The following ATP13A1 variants were observed in gnomAD, a reference collection of about 807,000 sequenced individuals.
ATP13A1 encodes ATPase 13A1.
In ATP13A1, 55 loss-of-function variants were observed where a neutral mutation model predicts 134.8. The observed-to-expected ratio is 0.41, with a 90% CI of 0.33 to 0.51. The LOEUF is 0.51. Ranked by LOEUF, ATP13A1 falls within the 20% of genes least tolerant of loss-of-function variation. ATP13A1 has a pLI of 0.29. For missense variants in ATP13A1, 1,389 were observed against 1,652.8 expected, an observed-to-expected ratio of 0.84 and a Z score of 2.77; for synonymous variants, 775 against 725.1, an observed-to-expected ratio of 1.07 and a Z score of -1.10.
intron 22 of ATP13A1, chr19:19,646,597 A>G (rs77231495): frequency 1.8e-6 from 1 of 550,664 alleles, no homozygotes; most frequent in East Asian, 3.1e-5. Context: ...GGGCCTGAGA[A>G]TCATGAAGCA....
At position 19,656,856 on chromosome 19, in the gene ATP13A1, C is replaced by T. The variant is rs376439076; in HGVS notation, c.967G>A (p.Val323Ile). The T allele has an allele frequency of 5.0e-6, 8 of 1,612,472 alleles. No homozygotes were observed. The highest frequency in any genetic ancestry group is 2.2e-5 in the South Asian group (2 of 90,890). Reference protein sequence around the residue: ...ASDEIVPGDIVSIGRSPQENL... With the variant: ...ASDEIVPGDIISIGRSPQENL... ...CGGAACCCGGCCTCACCGATGGAGA[C>T]GATGTCCCCTGGTACGATCTCATCA... The change falls in exon 6 of 26, where the codon GTC (valine) becomes ATC (isoleucine). Residue 323 changes from valine to isoleucine, a missense_variant. Around this residue, in one of 4 missense-constraint regions of ATP13A1, gnomAD observed 747 missense variants for 956.1 expected, o/e 0.78. Coordinates refer to ENST00000357324, the MANE Select transcript of ATP13A1 (RefSeq NM_020410.3). This position sits in a 1 kb window ranked among gnomAD's most constrained non-coding sequence, Gnocchi z 4.6.
chr19:19,646,896 C>A lies in ATP13A1; in HGVS notation c.3105+233G>T. ...TGCTTGTGGGGCTCTGTGGGGCCCA[C>A]CCCTGGGACCCCTACCTGTGGACAG... is the stretch of plus-strand genomic sequence containing the variant. On this transcript the variant is annotated intron_variant, in intron 22 of 25. Coordinates refer to ENST00000357324, the MANE Select transcript of ATP13A1 (RefSeq NM_020410.3). The A allele has an allele frequency of 8.9e-6, 5 of 562,886 alleles. No individual in the cohort carries two copies. The South Asian group carries it at 1.2e-4, about 13-fold the overall frequency. The allele number at this position is 562,886 out of a possible 1,614,324, so 34.9% of individuals were successfully genotyped here. A position where few individuals can be genotyped will look rare whatever the true frequency, so the allele number is the denominator to read the frequency against.
chr19:19,654,912 T>C (rs185203544), intron 12 of ATP13A1, among the ~76,000 whole-genome samples: 6 of 152,156 alleles, frequency 3.9e-5, no homozygotes. Flanking sequence ...GCATGGCTGG[T>C]GTGGGATGTT....
rs1190737446 is a variant in ATP13A1 at position 19,649,661 on chromosome 19, C to T, written c.2538G>A (p.Glu846=). 3 of 1,613,960 alleles carry T rather than the reference C, an allele frequency of 1.9e-6. No individual in the cohort carries two copies. Among genetic ancestry groups the T allele is most frequent in the African/African-American group, 2.7e-5 (2 of 75,062 alleles). Residue 846 remains glutamate (E), a splice_region_variant and synonymous_variant, in exon 19 of 26, where the codon GAG becomes GAA. Coordinates refer to ENST00000357324, the MANE Select transcript of ATP13A1 (RefSeq NM_020410.3). The part of the protein sequence containing the change: ...VFARVAPKQK[E]FVITSLKELG... ...GCTCCTTCAGGCTGGTGATGACAAA[C>T]TCCTGTATGGGCGGAGACAGGCTGA...
chr19:19,660,030 C>T, intron 1 of ATP13A1, 43 bp from the exon 2 acceptor site: 1 of 1,523,760 alleles, frequency 6.6e-7, no homozygotes, highest in Middle Eastern at 2.2e-4. Flanking sequence ...CTCTTCTCAA[C>T]CTACAGTTCC....
Position 19,657,076 on chromosome 19 carries a change from G to A in ATP13A1, c.824C>T (p.Ala275Val), listed in dbSNP as rs776378379. The A allele has an allele frequency of 1.5e-5, 24 of 1,548,404 alleles. No individual in the cohort carries two copies. The highest frequency in any genetic ancestry group is 1.9e-5 in the Non-Finnish European group (22 of 1,147,064). Residue 275 changes from alanine (A) to valine (V), a missense_variant, in exon 5 of 26, where the codon GCG (alanine) becomes GTG (valine). Coordinates refer to ENST00000357324, the MANE Select transcript of ATP13A1 (RefSeq NM_020410.3). ...YSVFTLSMLV[A>V]FEASLVQQQM... Reference sequence around the variant, plus strand: ...CTGCTGCACCAGCGAGGCCTCGAACGCCACCAGCATGGATAGCGTAAAGAC... The same window carrying A: ...CTGCTGCACCAGCGAGGCCTCGAACACCACCAGCATGGATAGCGTAAAGAC...
rs1372955219 is a variant in ATP13A1, at chr19:19,645,481, G to A, written c.3556C>T (p.Leu1186=). The change falls in exon 26 of 26, where the codon CTG becomes TTG. Residue 1186 remains leucine (L), a synonymous_variant. Transcript: ENST00000357324. The surrounding 1 kb of genome is among the most constrained non-coding windows in gnomAD (Gnocchi z 4.1). ...AAGAACTGCAGGACGCGGTCGGCCA[G>A]GAGCGCCAGGCAGAAGTCCAGGAGC... ...VLLLDFCLAL[L]ADRVLQFFLG... is the part of the protein sequence containing the mutation. 3 of 1,608,654 alleles carry A rather than the reference G, an allele frequency of 1.9e-6. No homozygotes were observed. The African/African-American group carries it at 4.0e-5, about 21-fold the overall frequency.
At position 19,653,368 on chromosome 19, in the gene ATP13A1, A is replaced by C; in HGVS notation, c.2100+416T>G. 2 of 231,222 alleles carry C rather than the reference A, an allele frequency of 8.6e-6. No homozygotes were observed. The highest frequency in any genetic ancestry group is 1.7e-5 in the Non-Finnish European group (2 of 116,060). 14.3% of individuals were successfully genotyped at this position (231,222 alleles called of 1,614,324 possible). ...CTGCAACCTGAGGCTAAATTCTGGA[A>C]GGATCCGCAGCTGTAGGGTGCAAGC... is the stretch of plus-strand genomic sequence containing the variant. On this transcript the variant is annotated intron_variant, in intron 15 of 25. Transcript: ENST00000357324. This position sits in a 1 kb window ranked among gnomAD's most constrained non-coding sequence, Gnocchi z 4.2.
chr19:19,652,532 G>A (rs1201608342), intron 16 of ATP13A1, 63 bp downstream of exon 16: 5 of 1,549,070 alleles, frequency 3.2e-6, no homozygotes, highest in Non-Finnish European at 4.4e-6. Flanking sequence ...CCACGAAGCT[G>A]TAATTGTCAT....
Position 19,656,335 on chromosome 19 carries a change from C to A in ATP13A1, c.1084-152G>T, listed in dbSNP as rs1305442905. ...CACCCAGCTCCCAGATCCTCACCCT[C>A]ACCCCGTCCTGTCTTCTCCCCATTG... On this transcript the variant is annotated intron_variant, in intron 7 of 25. Transcript: ENST00000357324. This position sits in a 1 kb window ranked among gnomAD's most constrained non-coding sequence, Gnocchi z 4.6. Among the ~76,000 whole-genome samples the A allele has an allele frequency of 3.9e-5, 6 of 152,164 alleles. No individual in the cohort carries two copies. Among genetic ancestry groups the A allele is most frequent in the African/African-American group, 1.4e-4 (6 of 41,442 alleles).
intron 16 of ATP13A1, among the ~76,000 whole-genome samples, chr19:19,652,278 GC>G (rs1424149587): frequency 6.6e-6 from 1 of 152,040 alleles, no homozygotes; most frequent in Admixed American, 6.6e-5. Context: ...GGCAGACAGT[GC>G]CCCCCACCCA....
chr19:19,651,423 G>T, intron 17 of ATP13A1: 1 of 366,784 alleles, frequency 2.7e-6, no homozygotes, highest in Non-Finnish European at 5.0e-6. Context: ...CTGCCCATGA[G>T]TGCACAGGAA....
Position 19,662,554 on chromosome 19 carries a change from TCA to T in ATP13A1, c.396+715_396+716del, listed in dbSNP as rs766257870. Among the ~76,000 whole-genome samples, 3 of 152,204 alleles carry T rather than the reference TCA, an allele frequency of 2.0e-5. No homozygotes were observed. In the South Asian group the frequency reaches 6.2e-4, roughly 32 times the overall value. On this transcript the variant is annotated intron_variant, in intron 1 of 25. Transcript: ENST00000357324. ...GTCACTGCTTCAGGCCCAGGGAAGC[TCA>T]CAGTCACCAACTCCTCCGACGACAC...
chr19:19,656,296 C>A lies in ATP13A1; in HGVS notation c.1084-113G>T. ...GGAATGAGCCAGGGGGATCCCCACC[C>A]GACCAATACATCCCACCCAGCTCCC... On this transcript the variant is annotated intron_variant, in intron 7 of 25. Coordinates refer to ENST00000357324, the MANE Select transcript of ATP13A1 (RefSeq NM_020410.3). This position sits in a 1 kb window ranked among gnomAD's most constrained non-coding sequence, Gnocchi z 4.6. 2 of 1,407,298 alleles carry A rather than the reference C, an allele frequency of 1.4e-6. No individual in the cohort carries two copies. Among genetic ancestry groups the A allele is most frequent in the Non-Finnish European group, 1.9e-6 (2 of 1,044,634 alleles). 87.2% of individuals were successfully genotyped at this position (1,407,298 alleles called of 1,614,324 possible).
Position 19,652,613 on chromosome 19 carries a change from G to T in ATP13A1, c.2208C>A (p.Ile736=). 2 of 1,608,374 alleles carry T rather than the reference G, an allele frequency of 1.2e-6. No homozygotes were observed. The highest frequency in any genetic ancestry group is 8.5e-7 in the Non-Finnish European group (1 of 1,177,794). ...KADSKAVIRE[I]QNASHRVVMI... is the part of the protein sequence containing the mutation. ...CCCATACCCGGTGGGACGCATTCTG[G>T]ATCTCCCGGATCACGGCCTTGGAGT... The change falls in exon 16 of 26, where the codon ATC becomes ATA. Residue 736 remains isoleucine (I), a synonymous_variant. Transcript: ENST00000357324.
intron 19 of ATP13A1, among the ~76,000 whole-genome samples, chr19:19,649,145 A>G (rs2144900599): frequency 6.7e-6 from 1 of 149,608 alleles, no homozygotes; most frequent in South Asian, 2.1e-4. Context: ...AGGGTCTTGC[A>G]CTGTCACTTA....
At chr19:19,649,063 A>T (rs560941218) in intron 19 of ATP13A1, among the ~76,000 whole-genome samples, 19 of 152,012 alleles carry the variant, frequency 1.2e-4, no homozygotes, top group African/African-American at 4.6e-4. Context: ...TGGAGGTTGC[A>T]GTGAGCCCAG....
At chr19:19,649,114 T>C (rs1366753107) in intron 19 of ATP13A1, among the ~76,000 whole-genome samples, 1 of 150,272 alleles carries the variant, frequency 6.7e-6, no homozygotes, top group East Asian at 2.0e-4. Flanking sequence ...AGAGCAAGGC[T>C]CCGTCAAAAA....
rs1007557884 is a variant in ATP13A1, at chr19:19,663,139, G to C, written c.396+132C>G. On this transcript the variant is annotated intron_variant, in intron 1 of 25. Coordinates refer to ENST00000357324, the MANE Select transcript of ATP13A1 (RefSeq NM_020410.3). The stretch of plus-strand genomic sequence containing the variant: ...GATTAAGCCTGCGCCAAAGTGTAGA[G>C]GGTGCCCCTGGGAATCCAGGCCAGG... 3.8e-6 allele frequency: 5 copies of C among 1,312,686 alleles called. No homozygotes were observed. In the African/African-American group the frequency reaches 4.4e-5, roughly 12 times the overall value. The allele number at this position is 1,312,686 out of a possible 1,614,324, so 81.3% of individuals were successfully genotyped here.
Sources: allele counts gnomAD v4.1 joint callset (sites outside exome capture counted in the v4.1 genomes callset), GRCh38; gene constraint gnomAD v4.1.1; regional missense constraint gnomAD v4.1.1; non-coding constraint Gnocchi (gnomAD v3.1); transcripts MANE v1.5; gene names NCBI Gene and HGNC (gene_info 2026-07-23, HGNC 2026-07-21).